Variants in PIP5K1B observed in about 807,000 individuals in gnomAD.
PIP5K1B encodes phosphatidylinositol-4-phosphate 5-kinase type 1 beta.
A neutral mutation model predicts 67.0 loss-of-function variants in PIP5K1B; 42 were observed. The observed-to-expected ratio is 0.63, with a 90% CI of 0.49 to 0.81. PIP5K1B has a LOEUF of 0.81. PIP5K1B is among the 30% of genes least tolerant of loss of function. PIP5K1B has a pLI of 0.00. For missense variants in PIP5K1B, 459 were observed against 646.3 expected (o/e 0.71, Z 3.14); for synonymous variants, 214 against 231.4 (o/e 0.92, Z 0.68).
At chr9:68,808,624 T>G (rs1051600743) in intron 2 of PIP5K1B, among the ~76,000 whole-genome samples, 1 of 152,246 alleles carries the variant, frequency 6.6e-6, no homozygotes, top group African/African-American at 2.4e-5. Flanking sequence ...TGAAAAGGCT[T>G]ATGAATTCTT....
In PIP5K1B at chr9:68,741,428, C is replaced by T. The variant is rs74703558; in HGVS notation, c.-242-1073C>T. On this transcript the variant is annotated intron_variant, in intron 1 of 15. Coordinates refer to ENST00000265382, the MANE Select transcript of PIP5K1B (RefSeq NM_003558.4). ...GTAAGTACAGTCAGTTGATTCCATT[C>T]CAGAGAACAAGCAGTAGAAATATCC... Among the ~76,000 whole-genome samples the T allele has an allele frequency of 4.1e-3, 628 of 152,232 alleles. 3 individuals carry two copies. The highest frequency in any genetic ancestry group is 5.7e-3 in the Non-Finnish European group (387 of 68,026).
intron 14 of PIP5K1B, 177 bp downstream of exon 14, chr9:68,940,967 A>G (rs1248831973): frequency 2.8e-6 from 2 of 702,368 alleles, no homozygotes; most frequent in Non-Finnish European, 5.1e-6. Context: ...CATTGGAGGG[A>G]AAACCCTCAT....
intron 4 of PIP5K1B, among the ~76,000 whole-genome samples, chr9:68,832,869 A>G (rs917097291): frequency 6.6e-6 from 1 of 152,238 alleles, no homozygotes; most frequent in Admixed American, 6.5e-5. Context: ...TCGTTTGGTT[A>G]TTGAGCACAG....
chr9:68,715,863 G>A (rs1407544826), intron 1 of PIP5K1B, among the ~76,000 whole-genome samples: 1 of 152,180 alleles, frequency 6.6e-6, no homozygotes, highest in South Asian at 2.1e-4. Context: ...CCTGTCATGA[G>A]CCGCATTTCT....
In PIP5K1B at chr9:68,823,100, T is replaced by C. The variant is rs143266740; in HGVS notation, c.69+417T>C. ...ACTTTAAAGGGCCTGTGTGATTGCATTGAGCCCTCCTAGGCTCACAGAAAT... is the reference window on the plus strand; with the variant it reads ...ACTTTAAAGGGCCTGTGTGATTGCACTGAGCCCTCCTAGGCTCACAGAAAT... On this transcript the variant is annotated intron_variant, in intron 4 of 15. Coordinates refer to ENST00000265382, the MANE Select transcript of PIP5K1B (RefSeq NM_003558.4). Among the ~76,000 whole-genome samples, 153 of 152,318 alleles carry C rather than the reference T, an allele frequency of 1.0e-3. 1 individual carries two copies. The South Asian group carries it at 0.027, about 27-fold the overall frequency.
intron 14 of PIP5K1B, among the ~76,000 whole-genome samples, chr9:68,942,625 A>C (rs891447845): frequency 2.6e-5 from 4 of 152,086 alleles, no homozygotes; most frequent in Non-Finnish European, 5.9e-5. Context: ...CCACCTCCGC[A>C]TGCTCCCAGA....
intron 14 of PIP5K1B, among the ~76,000 whole-genome samples, chr9:68,977,860 G>A (rs542573150): frequency 6.6e-6 from 1 of 151,870 alleles, no homozygotes; most frequent in Non-Finnish European, 1.5e-5. Context: ...TTCACCCCAG[G>A]CTGGTCTCGA....
At chr9:68,900,164 C>T (rs1825289256) in intron 8 of PIP5K1B, among the ~76,000 whole-genome samples, 1 of 152,188 alleles carries the variant, frequency 6.6e-6, no homozygotes, top group South Asian at 2.1e-4. Flanking sequence ...ATCCAGTCCA[C>T]TGTTGATGGG....
chr9:68,989,665 A>G (rs962995762), intron 14 of PIP5K1B, among the ~76,000 whole-genome samples: 5 of 152,032 alleles, frequency 3.3e-5, no homozygotes, highest in African/African-American at 1.2e-4. Flanking sequence ...CCCCTAAATT[A>G]ATACCCAATT....
chr9:68,945,064 AC>A (rs1278768067), intron 14 of PIP5K1B, among the ~76,000 whole-genome samples: 1 of 143,880 alleles, frequency 7.0e-6, no homozygotes, highest in African/African-American at 2.5e-5. Flanking sequence ...TGTGTTTGAG[AC>A]CTTTTTTTTT....
chr9:69,003,466 TA>T (rs57669897), intron 15 of PIP5K1B, among the ~76,000 whole-genome samples: 1 of 16,514 alleles, frequency 6.1e-5, no homozygotes, highest in African/African-American at 2.1e-4. Context: ...TAATTATAGT[TA>T]AAAAAAAAAA....
At chr9:68,921,137 A>C (rs1047064290) in intron 11 of PIP5K1B, among the ~76,000 whole-genome samples, 1 of 152,100 alleles carries the variant, frequency 6.6e-6, no homozygotes, top group African/African-American at 2.4e-5. Flanking sequence ...ATGCACTTTT[A>C]AACAACAGGT....
intron 2 of PIP5K1B, among the ~76,000 whole-genome samples, chr9:68,745,363 A>C (rs1490434633): frequency 1.3e-5 from 2 of 152,202 alleles, no homozygotes; most frequent in African/African-American, 4.8e-5. Context: ...CGTAGGTAAG[A>C]GGTTTAAGAC....
chr9:68,729,635 G>A (rs184733630), intron 1 of PIP5K1B, among the ~76,000 whole-genome samples: 4 of 152,104 alleles, frequency 2.6e-5, no homozygotes, highest in Non-Finnish European at 4.4e-5. Context: ...TTGGATAAAT[G>A]GCCAAAGGTT....
At chr9:68,826,293 GA>G (rs1015241145) in intron 4 of PIP5K1B, among the ~76,000 whole-genome samples, 4 of 152,150 alleles carry the variant, frequency 2.6e-5, no homozygotes, top group Non-Finnish European at 5.9e-5. Context: ...AAGGGAGTGA[GA>G]AAACGAGGGG....
At chr9:68,961,916 G>A (rs2132752761) in intron 14 of PIP5K1B, among the ~76,000 whole-genome samples, 1 of 152,296 alleles carries the variant, frequency 6.6e-6, no homozygotes, top group Middle Eastern at 3.4e-3. Flanking sequence ...TGCTTAACCA[G>A]ACTTTCAACC....
At chr9:68,720,040 G>A (rs1827813700) in intron 1 of PIP5K1B, among the ~76,000 whole-genome samples, 1 of 152,226 alleles carries the variant, frequency 6.6e-6, no homozygotes, top group Non-Finnish European at 1.5e-5. Context: ...TTTCACAAGA[G>A]CAGGAACTTT....
intron 2 of PIP5K1B, among the ~76,000 whole-genome samples, chr9:68,752,255 C>T (rs911939794): frequency 2.6e-5 from 4 of 152,132 alleles, no homozygotes; most frequent in Non-Finnish European, 5.9e-5. Context: ...TTCTGAGTTG[C>T]TCATAACTTT....
At chr9:68,786,697 A>AT in intron 2 of PIP5K1B, among the ~76,000 whole-genome samples, 1 of 151,968 alleles carries the variant, frequency 6.6e-6, no homozygotes, top group Admixed American at 6.6e-5. Context: ...AGCTTTATGT[A>AT]TTTTTTCCCT....
Sources: allele counts gnomAD v4.1 joint callset (sites outside exome capture counted in the v4.1 genomes callset), GRCh38; gene constraint gnomAD v4.1.1; transcripts MANE v1.5; gene names NCBI Gene and HGNC (gene_info 2026-07-23, HGNC 2026-07-21).